The following HPN variants were observed in gnomAD, a reference collection of about 807,000 sequenced individuals.
HPN encodes the protein serine protease hepsin.
A neutral mutation model predicts 55.9 loss-of-function variants in HPN; 13 were observed. The observed-to-expected ratio is 0.23, with a 90% CI of 0.15 to 0.37. HPN has a LOEUF of 0.37. Ranked by LOEUF, HPN falls within the 10% of genes least tolerant of loss-of-function variation. The pLI is 1.00. For synonymous variants in HPN, 225 were observed against 240.3 expected (o/e 0.94, Z 0.59); for missense variants, 451 against 575.8 (o/e 0.78, Z 2.22).
intron 9 of HPN, among the ~76,000 whole-genome samples, chr19:35,062,951 A>G (rs1173072421): frequency 2.6e-5 from 4 of 152,234 alleles, no homozygotes; most frequent in Non-Finnish European, 4.4e-5. Flanking sequence ...ATTCGAGTTC[A>G]TGATTGAGTA....
At position 35,049,614 on chromosome 19, in the gene HPN, G is replaced by A; in HGVS notation, c.160+98G>A. On this transcript the variant is annotated intron_variant, in intron 4 of 12. Coordinates refer to ENST00000672452, the MANE Select transcript of HPN (RefSeq NM_001384133.1). ...GTATTTGTTGAATAAATGCACAAAT[G>A]CATGCAGAAATGCTAATCATAATAG... 3 of 1,090,482 alleles carry A rather than the reference G, an allele frequency of 2.8e-6. No homozygotes were observed. In the South Asian group the frequency reaches 4.1e-5, roughly 15 times the overall value. 67.6% of individuals were successfully genotyped at this position (1,090,482 alleles called of 1,614,324 possible). A position where few individuals can be genotyped will look rare whatever the true frequency, so the allele number is the denominator to read the frequency against.
chr19:35,054,592 G>T (rs1484329521), intron 4 of HPN, among the ~76,000 whole-genome samples: 1 of 152,148 alleles, frequency 6.6e-6, no homozygotes, highest in African/African-American at 2.4e-5. Context: ...GAAGTCTCTT[G>T]AGAGGCTGTC....
intron 2 of HPN, among the ~76,000 whole-genome samples, chr19:35,046,822 G>T (rs1045446342): frequency 1.3e-5 from 2 of 151,800 alleles, no homozygotes; most frequent in Admixed American, 6.6e-5. Flanking sequence ...ATTTATTTAT[G>T]TATTTATTTA....
Position 35,060,352 on chromosome 19 carries a change from G to T in HPN, c.460G>T (p.Gly154Cys). 6.2e-7 allele frequency: 1 copy of T among 1,611,474 alleles called. No homozygotes were observed. The part of the protein sequence containing the change: ...RFLAAICQDC[G>C]RRKLPVDRIV... ...TGCTGACCCTTGTCCCACAGACTGT[G>T]GCCGCAGGAAGCTGCCCGTGGACCG... Residue 154 changes from glycine (G) to cysteine (C), a missense_variant, in exon 8 of 13, where the codon GGC (glycine) becomes TGC (cysteine). Gly to Cys is a radical substitution (Grantham distance 159). Coordinates refer to ENST00000672452, the MANE Select transcript of HPN (RefSeq NM_001384133.1).
intron 7 of HPN, 42 bp from the exon 8 acceptor site, chr19:35,060,305 C>T: frequency 6.2e-7 from 1 of 1,607,540 alleles, no homozygotes; most frequent in Non-Finnish European, 8.5e-7. Flanking sequence ...GACCTGGGCT[C>T]CAGTCCCCTG....
In HPN at chr19:35,065,492, G is replaced by T. The variant is rs765211370; in HGVS notation, c.908-47G>T. On this transcript the variant is annotated intron_variant, in intron 10 of 12. Coordinates refer to ENST00000672452, the MANE Select transcript of HPN (RefSeq NM_001384133.1). ...GGGTGGGCACCAGGAGGGAAGGGGG[G>T]TGTGTACACCCCCCAGCTCTGGCCA... The T allele has an allele frequency of 6.2e-6, 10 of 1,604,362 alleles. No homozygotes were observed. The Admixed American group carries it at 8.6e-5, about 14-fold the overall frequency.
intron 12 of HPN, 82 bp from the exon 13 acceptor site, chr19:35,066,167 G>A: frequency 6.2e-7 from 1 of 1,613,578 alleles, no homozygotes; most frequent in Non-Finnish European, 8.5e-7. Flanking sequence ...GATGGACTTT[G>A]AAGGGTTCCT....
rs1324597452 is a variant in HPN at position 35,065,920 on chromosome 19, G to A, written c.1103G>A (p.Arg368His). ...VCEDSISRTPRWRLCGIVSWG... is the reference protein window; with the variant it reads ...VCEDSISRTPHWRLCGIVSWG... ...GAGGACAGCATCTCTCGGACGCCAC[G>A]TTGGCGGCTGTGTGGCATTGTGAGT... The change falls in exon 12 of 13, where the codon CGT (arginine) becomes CAT (histidine). Residue 368 changes from arginine to histidine, a missense_variant. Coordinates refer to ENST00000672452, the MANE Select transcript of HPN (RefSeq NM_001384133.1). 2.5e-6 allele frequency: 4 copies of A among 1,614,114 alleles called. No individual in the cohort carries two copies. The highest frequency in any genetic ancestry group is 2.5e-6 in the Non-Finnish European group (3 of 1,180,036).
At chr19:35,060,923 C>T in intron 9 of HPN, 106 bp downstream of exon 9, 2 of 946,488 alleles carry the variant, frequency 2.1e-6, no homozygotes, top group Non-Finnish European at 3.1e-6. Flanking sequence ...GCATCCTTGG[C>T]AATAAGGGGA....
At chr19:35,050,572 T>C in intron 4 of HPN, 1 of 1,232,456 alleles carries the variant, frequency 8.1e-7, no homozygotes. Flanking sequence ...AATAAATAGA[T>C]AAAGAAACTA....
chr19:35,053,483 G>A (rs2064425022), intron 4 of HPN, among the ~76,000 whole-genome samples: 1 of 151,422 alleles, frequency 6.6e-6, no homozygotes. Flanking sequence ...CGGTGCGGTG[G>A]CTCACGCCTG....
chr19:35,056,857 G>A (rs958769725), intron 4 of HPN, among the ~76,000 whole-genome samples: 6 of 152,058 alleles, frequency 3.9e-5, no homozygotes, highest in Non-Finnish European at 8.8e-5. Context: ...GCATATCCAA[G>A]GCTCTGACAA....
At chr19:35,048,080 G>GAA (rs1327137855) in intron 2 of HPN, among the ~76,000 whole-genome samples, 25 of 36,432 alleles carry the variant, frequency 6.9e-4, no homozygotes, top group African/African-American at 1.5e-3. Flanking sequence ...AAGAAAGAAA[G>GAA]AAAAGGAAGG....
intron 4 of HPN, among the ~76,000 whole-genome samples, chr19:35,055,661 C>T (rs970149645): frequency 2.0e-5 from 3 of 151,904 alleles, no homozygotes; most frequent in African/African-American, 7.3e-5. Flanking sequence ...TGCTCCAGCC[C>T]CCTTCCCCTC....
At chr19:35,059,623 G>A in intron 4 of HPN, 50 bp from the exon 5 acceptor site, 1 of 1,557,268 alleles carries the variant, frequency 6.4e-7, no homozygotes, top group Non-Finnish European at 8.7e-7. Context: ...GAAGCATGTG[G>A]GGAGCCTGGC....
intron 4 of HPN, chr19:35,050,526 G>A: frequency 1.6e-6 from 2 of 1,289,020 alleles, no homozygotes; most frequent in Non-Finnish European, 2.0e-6. Flanking sequence ...TCCACTGTAA[G>A]TGTGTCTGCA....
In HPN at chr19:35,065,795, C is replaced by T. The variant is rs1220272163; in HGVS notation, c.1051-73C>T. ...AAGCCTGAGGGCTCTGGGGCCACAG[C>T]CCATGTCATCCCGGGGTGGGCCTCC... is the stretch of plus-strand genomic sequence containing the variant. On this transcript the variant is annotated intron_variant, in intron 11 of 12. Transcript: ENST00000672452. 9.1e-6 allele frequency: 14 copies of T among 1,535,230 alleles called. No individual in the cohort carries two copies. In the South Asian group the frequency reaches 1.6e-4, roughly 17 times the overall value.
chr19:35,049,868 T>G (rs2151757193), intron 4 of HPN, among the ~76,000 whole-genome samples: 1 of 152,002 alleles, frequency 6.6e-6, no homozygotes, highest in East Asian at 1.9e-4. Context: ...TTTGTTTTTT[T>G]TTTTTTTTGC....
At chr19:35,042,321 C>A in intron 1 of HPN, 132 bp from the exon 2 acceptor site, 1 of 1,407,610 alleles carries the variant, frequency 7.1e-7, no homozygotes, top group East Asian at 2.7e-5. Flanking sequence ...AATCTGCGTC[C>A]GTGATCACGG....
Sources: gnomAD v4.1 joint callset for allele counts (sites outside exome capture counted in the v4.1 genomes callset) on GRCh38, gnomAD v4.1.1 for gene constraint, MANE v1.5 for transcripts, NCBI Gene and HGNC (gene_info 2026-07-23, HGNC 2026-07-21) for gene names.